The following PARP16 variants were observed in gnomAD, a reference collection of about 807,000 sequenced individuals.
PARP16 encodes the protein poly(ADP-ribose) polymerase family member 16.
A neutral mutation model predicts 35.0 loss-of-function variants in PARP16; 31 were observed. That is an observed-to-expected ratio of 0.88 (90% CI 0.66 to 1.19). The LOEUF (loss-of-function observed/expected upper bound fraction) is 1.19, where lower values mean the gene tolerates loss of function less well. Ranked by LOEUF, PARP16 falls within the 50% of genes most tolerant of loss-of-function variation. PARP16 has a pLI of 0.00. For missense variants in PARP16, 424 were observed against 411.2 expected (o/e 1.03, Z -0.27); for synonymous variants, 162 against 169.5 (o/e 0.96, Z 0.34).
chr15:65,239,846 CA>C (rs2089002007), intron 3 of PARP16, among the ~76,000 whole-genome samples: 1 of 149,554 alleles, frequency 6.7e-6, no homozygotes, highest in South Asian at 2.1e-4. Flanking sequence ...TTAGTAGAGA[CA>C]GGGTTTCACT....
At chr15:65,261,082 C>CA in intron 4 of PARP16, 56 bp from the exon 5 acceptor site, 1 of 1,548,910 alleles carries the variant, frequency 6.5e-7, no homozygotes, top group Middle Eastern at 2.0e-4. Context: ...TAAGGAAGCA[C>CA]ATTATAAATA....
At chr15:65,263,121 C>A in intron 4 of PARP16, 28 bp downstream of exon 4, 1 of 1,605,848 alleles carries the variant, frequency 6.2e-7, no homozygotes, top group Non-Finnish European at 8.5e-7. Context: ...AGGCCTGTAG[C>A]CCAGGTCTGG....
intron 1 of PARP16, among the ~76,000 whole-genome samples, chr15:65,272,331 A>G (rs2090121695): frequency 6.6e-6 from 1 of 152,214 alleles, no homozygotes; most frequent in African/African-American, 2.4e-5. Context: ...AATCAGGAAG[A>G]ATCGGAATCC....
In PARP16 at chr15:65,263,157, T is replaced by A. The variant is rs1396792949; in HGVS notation, c.683A>T (p.Lys228Met). 1.9e-6 allele frequency: 3 copies of A among 1,613,824 alleles called. No individual in the cohort carries two copies. The highest frequency in any genetic ancestry group is 1.1e-5 in the South Asian group (1 of 90,990). Residue 228 changes from lysine (K) to methionine (M), a missense_variant, in exon 4 of 6, where the codon AAG becomes ATG. By Grantham distance (95) the Lys-to-Met change is moderately conservative. Transcript: ENST00000649807. The part of the protein sequence containing the change: ...IDHPDVKCQT[K>M]KKDSKEIDRR... ...ACCAAGTGCTCACTCACCCTTCTTCTTGGTTTGGCACTTGACGTCCGGATG... is the reference window on the plus strand; with the variant it reads ...ACCAAGTGCTCACTCACCCTTCTTCATGGTTTGGCACTTGACGTCCGGATG...
intron 3 of PARP16, among the ~76,000 whole-genome samples, chr15:65,239,224 G>A (rs1027062607): frequency 1.9e-4 from 29 of 151,484 alleles, no homozygotes; most frequent in African/African-American, 7.0e-4. Context: ...TCAAGAGATC[G>A]AGACCATCCT....
intron 3 of PARP16, among the ~76,000 whole-genome samples, chr15:65,242,016 G>A (rs1459652677): frequency 6.6e-6 from 1 of 152,146 alleles, no homozygotes; most frequent in African/African-American, 2.4e-5. Context: ...CTTGTAATTA[G>A]ATTTGTGGCC....
At chr15:65,255,519 C>T (rs926484820), downstream of PARP16, among the ~76,000 whole-genome samples, 1 of 151,906 alleles carries the variant, frequency 6.6e-6, no homozygotes, top group African/African-American at 2.4e-5. Flanking sequence ...CTAGTCTTCC[C>T]TCCTGCCCAC....
chr15:65,236,180 A>G (rs1028903350), intron 3 of PARP16, among the ~76,000 whole-genome samples: 2 of 152,118 alleles, frequency 1.3e-5, no homozygotes, highest in Non-Finnish European at 2.9e-5. Flanking sequence ...TTTTAAACCC[A>G]CCACATCTCC....
Position 65,247,979 on chromosome 15 carries a change from T to C in PARP16, c.*97+138A>G, listed in dbSNP as rs367782224. 4.5e-4 allele frequency: 148 copies of C among 331,124 alleles called. 1 individual carries two copies. The highest frequency in any genetic ancestry group is 2.9e-3 in the African/African-American group (134 of 46,488). The allele number at this position is 331,124 out of a possible 1,614,324, so 20.5% of individuals were successfully genotyped here. On this transcript the variant is annotated intron_variant and NMD_transcript_variant, in intron 3 of 3. Transcript: ENST00000559805. ...GCCACCACGCCCGGCTAATTTTCTG[T>C]ATTTTTAGTAGAGGTGGGGTTTCAC...
intron 4 of PARP16, 121 bp downstream of exon 4, chr15:65,263,028 G>C: frequency 1.1e-6 from 1 of 889,878 alleles, no homozygotes; most frequent in South Asian, 1.6e-5. Context: ...GTCCGGCACT[G>C]CCCTGGATCC....
Position 65,286,284 on chromosome 15 carries a change from G to T in PARP16, c.143C>A (p.Ala48Asp). The T allele has an allele frequency of 6.3e-7, 1 of 1,599,954 alleles. No homozygotes were observed. Among genetic ancestry groups the T allele is most frequent in the South Asian group, 1.1e-5 (1 of 89,164 alleles). Residue 48 changes from alanine to aspartate, a missense_variant, in exon 1 of 6, where the codon GCC becomes GAC. Transcript: ENST00000649807. ...TTCAAAGTCCTTACAGTCGCCGCGG[G>T]CGTAGGACGCGGGGAAGGGCCGCAG... The part of the protein sequence containing the change: ...SVLRPFPASY[A>D]RGDCKDFEAL...
chr15:65,276,916 A>AT (rs1420948361), intron 1 of PARP16, among the ~76,000 whole-genome samples: 1 of 151,670 alleles, frequency 6.6e-6, no homozygotes, highest in Non-Finnish European at 1.5e-5. Context: ...GGGGATGTGG[A>AT]TGTCGCAGTG....
chr15:65,236,190 C>T (rs1225518694), intron 3 of PARP16, among the ~76,000 whole-genome samples: 1 of 152,152 alleles, frequency 6.6e-6, no homozygotes, highest in Non-Finnish European at 1.5e-5. Context: ...ACCACATCTC[C>T]TTTCTGTTTG....
At chr15:65,248,142 C>T (rs2089261504) in exon 3 of PARP16, 1 of 456,354 alleles carries the variant, frequency 2.2e-6, no homozygotes, top group African/African-American at 2.0e-5. Context: ...AGTTCCTTTC[C>T]ATGAGGCCCT....
At chr15:65,270,899 C>T (rs763755611) in intron 2 of PARP16, 36 bp downstream of exon 2, 2 of 1,609,070 alleles carry the variant, frequency 1.2e-6, no homozygotes, top group East Asian at 2.2e-5. Context: ...GCCCTTAGGC[C>T]CCTAAAATCT....
Position 65,270,977 on chromosome 15 carries a change from T to C in PARP16, c.270A>G (p.Leu90=). ...KRAWDLVSWI[L]SSKVLTIHSA... is the part of the protein sequence containing the mutation. ...TGTGGATTGTCAGGACCTTTGAGGA[T>C]AAAATCCAGCTCACCAGGTCCCAGG... The change falls in exon 2 of 6, where the codon TTA becomes TTG. Residue 90 remains leucine (L), a synonymous_variant. Coordinates refer to ENST00000649807, the MANE Select transcript of PARP16 (RefSeq NM_001316943.2). The C allele has an allele frequency of 1.2e-6, 2 of 1,614,128 alleles. No homozygotes were observed. Among genetic ancestry groups the C allele is most frequent in the Non-Finnish European group, 1.7e-6 (2 of 1,179,994 alleles).
intron 3 of PARP16, among the ~76,000 whole-genome samples, chr15:65,246,165 G>A (rs1401610993): frequency 6.6e-6 from 1 of 152,104 alleles, no homozygotes; most frequent in Non-Finnish European, 1.5e-5. Context: ...TCCCAACTCA[G>A]CAACCCTGGC....
intron 1 of PARP16, 83 bp from the exon 2 acceptor site, chr15:65,271,155 G>A (rs1222317240): frequency 9.7e-6 from 13 of 1,345,052 alleles, no homozygotes; most frequent in Non-Finnish European, 1.4e-5. Context: ...GGCAGGCAAC[G>A]TTCACTTGTT....
Position 65,265,206 on chromosome 15 carries a change from C to T in PARP16, c.519+1356G>A, listed in dbSNP as rs150290783. On this transcript the variant is annotated intron_variant, in intron 3 of 5. Transcript: ENST00000649807. Reference sequence around the variant, plus strand: ...ACAGACAAGGCAGATACTGCCATGACTGGGGGAAAGGCCTGCAGCTCCTCC... The same window carrying T: ...ACAGACAAGGCAGATACTGCCATGATTGGGGGAAAGGCCTGCAGCTCCTCC... 9.4e-4 allele frequency among the ~76,000 whole-genome samples: 143 copies of T among 152,386 alleles called. 2 individuals are homozygous for T. Among genetic ancestry groups the T allele is most frequent in the Non-Finnish European group, 1.7e-3 (118 of 68,044 alleles).
Sources: allele counts gnomAD v4.1 joint callset (sites outside exome capture counted in the v4.1 genomes callset), GRCh38; gene constraint gnomAD v4.1.1; transcripts MANE v1.5; gene names NCBI Gene and HGNC (gene_info 2026-07-23, HGNC 2026-07-21).